The following GNG7 variants were observed in gnomAD, a reference collection of about 807,000 sequenced individuals.
GNG7 encodes guanine nucleotide-binding protein G(I)/G(S)/G(O) subunit gamma-7.
GNG7 carries 1 observed loss-of-function variant against 4.0 expected under a neutral mutation model. The observed-to-expected ratio is 0.25, with a 90% confidence interval of 0.09 to 1.18. The LOEUF is 1.18. GNG7 is among the 50% of genes most tolerant of loss of function. The probability of loss-of-function intolerance (pLI) is 0.50; values close to 1 mark genes in which losing one functional copy is unlikely to be tolerated. For synonymous variants in GNG7, 34 were observed against 36.9 expected, an observed-to-expected ratio of 0.92 and a Z score of 0.29; for missense variants, 86 against 91.9, an observed-to-expected ratio of 0.94 and a Z score of 0.26.
chr19:2,696,227 A>T (rs1171681130), intron 1 of GNG7, among the ~76,000 whole-genome samples: 1 of 148,886 alleles, frequency 6.7e-6, no homozygotes, highest in Admixed American at 6.8e-5. Flanking sequence ...GAGAGGAGAG[A>T]GAGGAGAGAG....
chr19:2,652,011 C>G (rs972574479), intron 1 of GNG7, among the ~76,000 whole-genome samples: 1 of 151,410 alleles, frequency 6.6e-6, no homozygotes, highest in African/African-American at 2.4e-5. Flanking sequence ...CCCGTCTGTA[C>G]TAAAAATACA....
intron 2 of GNG7, among the ~76,000 whole-genome samples, chr19:2,636,962 G>A (rs971595804): frequency 6.7e-6 from 1 of 150,110 alleles, no homozygotes; most frequent in South Asian, 2.1e-4. Context: ...GCCCACCTGC[G>A]CCCACCTGCA....
intron 2 of GNG7, among the ~76,000 whole-genome samples, chr19:2,620,245 G>GGGAGGGGAGGGGAGGGGAGA (rs1981831856): frequency 2.3e-5 from 3 of 132,158 alleles, no homozygotes; most frequent in Admixed American, 7.7e-5. Context: ...GGGAGGGGAG[G>GGGAGGGGAGGGGAGGGGAGA]GGAGGGGAGG....
intron 2 of GNG7, among the ~76,000 whole-genome samples, chr19:2,556,986 A>AG (rs887020217): frequency 6.6e-6 from 1 of 151,916 alleles, no homozygotes; most frequent in Non-Finnish European, 1.5e-5. Flanking sequence ...AGAGACATCC[A>AG]GGGGGGCTGC....
At chr19:2,627,379 C>T (rs922949078) in intron 2 of GNG7, among the ~76,000 whole-genome samples, 5 of 152,260 alleles carry the variant, frequency 3.3e-5, no homozygotes, top group South Asian at 4.1e-4. Flanking sequence ...CCCTGCATGG[C>T]TCCAGGGGCA....
chr19:2,602,964 TTC>T (rs1406598461), intron 2 of GNG7, among the ~76,000 whole-genome samples: 1 of 128,916 alleles, frequency 7.8e-6, no homozygotes, highest in Admixed American at 7.0e-5. Context: ...TTCTTTCTCT[TTC>T]TTTCTTTCTC....
intron 2 of GNG7, among the ~76,000 whole-genome samples, chr19:2,579,964 T>TG (rs1980454215): frequency 1.3e-5 from 2 of 152,156 alleles, no homozygotes; most frequent in Admixed American, 6.5e-5. Context: ...CCTCCAGTTC[T>TG]GGGGGCGCAG....
intron 3 of GNG7, among the ~76,000 whole-genome samples, chr19:2,531,088 C>T (rs1251880777): frequency 6.6e-6 from 1 of 151,850 alleles, no homozygotes; most frequent in African/African-American, 2.4e-5. Flanking sequence ...GGTGGATGAC[C>T]TGAGGTCGGG....
chr19:2,698,022 TTTGG>T (rs1376633307), intron 1 of GNG7, among the ~76,000 whole-genome samples: 1 of 150,644 alleles, frequency 6.6e-6, no homozygotes, highest in African/African-American at 2.4e-5. Flanking sequence ...ATCCCAGCAC[TTTGG>T]GAGGTCGAGG....
chr19:2,643,016 C>T, intron 2 of GNG7: 1 of 453,414 alleles, frequency 2.2e-6, no homozygotes, highest in Non-Finnish European at 4.4e-6. Context: ...CACACCTTCC[C>T]GCCCTGCACC....
chr19:2,675,039 G>T (rs1568281660), intron 1 of GNG7, among the ~76,000 whole-genome samples: 1 of 152,182 alleles, frequency 6.6e-6, no homozygotes, highest in Admixed American at 6.5e-5. Context: ...TAAAAATCCA[G>T]ATTTTCACAC....
At chr19:2,684,016 A>G (rs1983808566) in intron 1 of GNG7, among the ~76,000 whole-genome samples, 1 of 152,156 alleles carries the variant, frequency 6.6e-6, no homozygotes, top group South Asian at 2.1e-4. Flanking sequence ...CAGCAAGTCT[A>G]TGGGTTTAAA....
Position 2,678,625 on chromosome 19 carries a change from CAGGG to C in GNG7, c.-135+24017_-135+24020del, listed in dbSNP as rs1206279098. Among the ~76,000 whole-genome samples, 3 of 152,086 alleles carry C rather than the reference CAGGG, an allele frequency of 2.0e-5. No homozygotes were observed. The East Asian group carries it at 5.8e-4, about 29-fold the overall frequency. On this transcript the variant is annotated intron_variant, in intron 1 of 4. Transcript: ENST00000382159. Reference sequence around the variant, plus strand: ...GGTTTCAGTTTCCCCATCCACAACACAGGGAGAAGAATCAGATAAGGTGTCCAGT... The same window carrying C: ...GGTTTCAGTTTCCCCATCCACAACACAGAAGAATCAGATAAGGTGTCCAGT...
intron 1 of GNG7, among the ~76,000 whole-genome samples, chr19:2,682,864 G>A (rs12609683): frequency 0.28 from 42,342 of 151,546 alleles, 6,756 homozygotes; most frequent in East Asian, 0.61. Flanking sequence ...ACCTGCAGCT[G>A]CAACTGTAGG....
intron 3 of GNG7, among the ~76,000 whole-genome samples, chr19:2,531,755 A>G (rs1171853211): frequency 1.4e-5 from 2 of 145,604 alleles, no homozygotes; most frequent in Admixed American, 7.0e-5. Flanking sequence ...TGGGTAACAG[A>G]GCGAGACTCC....
At chr19:2,520,882 C>T (rs902074093) in intron 3 of GNG7, among the ~76,000 whole-genome samples, 157 bp from the exon 4 acceptor site, 1 of 152,096 alleles carries the variant, frequency 6.6e-6, no homozygotes, top group African/African-American at 2.4e-5. Flanking sequence ...AGCTGGCACT[C>T]GTTTAACTCT....
At chr19:2,651,882 A>C (rs1381173358) in intron 1 of GNG7, among the ~76,000 whole-genome samples, 1 of 151,918 alleles carries the variant, frequency 6.6e-6, no homozygotes, top group Non-Finnish European at 1.5e-5. Context: ...TTTCTTTAAA[A>C]AATTAAAATA....
At chr19:2,595,734 CAAA>C (rs778284283) in intron 2 of GNG7, among the ~76,000 whole-genome samples, 6 of 91,696 alleles carry the variant, frequency 6.5e-5, no homozygotes, top group Admixed American at 2.4e-4. Flanking sequence ...GACTCTGTCT[CAAA>C]AAAAAAAAAA....
In GNG7 at chr19:2,594,774, T is replaced by C. The variant is rs370227899; in HGVS notation, c.-77-39586A>G. ...TGCTCCATGATTATCAACAATAATT[T>C]CCTGTTACCAATAACCAGCCTGTGA... On this transcript the variant is annotated intron_variant, in intron 2 of 4. Coordinates refer to ENST00000382159, the MANE Select transcript of GNG7 (RefSeq NM_052847.3). Among the ~76,000 whole-genome samples the C allele has an allele frequency of 5.6e-4, 85 of 152,236 alleles. 3 individuals carry two copies. The highest frequency in any genetic ancestry group is 1.9e-3 in the African/African-American group (81 of 41,544).
Sources: gnomAD v4.1 joint callset for allele counts (sites outside exome capture counted in the v4.1 genomes callset) on GRCh38, gnomAD v4.1.1 for gene constraint, MANE v1.5 for transcripts, NCBI Gene and HGNC (gene_info 2026-07-23, HGNC 2026-07-21) for gene names.